Variants in DIP2C observed in about 807,000 individuals in gnomAD.
The protein encoded by DIP2C is disco-interacting protein 2 homolog C.
Under a neutral mutation model 192.4 loss-of-function variants are expected in DIP2C, and 33 were observed. The observed-to-expected ratio is 0.17, with a 90% CI of 0.13 to 0.23. The LOEUF is 0.23. Ranked by LOEUF, DIP2C falls within the 10% of genes least tolerant of loss-of-function variation. The pLI is 1.00. For missense variants in DIP2C, 1,537 were observed against 2,110.1 expected, an observed-to-expected ratio of 0.73 and a Z score of 5.32; for synonymous variants, 979 against 864.1, an observed-to-expected ratio of 1.13 and a Z score of -2.33.
Position 277,296 on chromosome 10 carries a change from GAA to G in DIP2C, c.*27_*28del, listed in dbSNP as rs1239340365. The G allele has an allele frequency of 1.2e-6, 2 of 1,610,478 alleles. No homozygotes were observed. The highest frequency in any genetic ancestry group is 1.7e-6 in the Non-Finnish European group (2 of 1,178,916). On this transcript the variant is annotated 3_prime_UTR_variant, in exon 37 of 37. Coordinates refer to ENST00000280886, the MANE Select transcript of DIP2C (RefSeq NM_014974.3). Reference sequence around the variant, plus strand: ...ACGGAGAACAATGTCTACATCTCTAGAAAAGTCCATGGAAGCCAAGAGACGAG... The same window carrying G: ...ACGGAGAACAATGTCTACATCTCTAGAAGTCCATGGAAGCCAAGAGACGAG...
intron 1 of DIP2C, among the ~76,000 whole-genome samples, chr10:612,241 A>G (rs562843723): frequency 2.0e-5 from 3 of 152,032 alleles, no homozygotes; most frequent in African/African-American, 7.3e-5. Flanking sequence ...GCAGTGAGCC[A>G]AGGTCACACC....
At chr10:481,188 A>C (rs879317779) in intron 2 of DIP2C, among the ~76,000 whole-genome samples, 2 of 152,190 alleles carry the variant, frequency 1.3e-5, no homozygotes, top group African/African-American at 2.4e-5. Context: ...AGGAATCAGA[A>C]CAACCAACGG....
intron 1 of DIP2C, among the ~76,000 whole-genome samples, chr10:563,188 T>TGTTC (rs1322199828): frequency 6.6e-6 from 1 of 152,248 alleles, no homozygotes; most frequent in Non-Finnish European, 1.5e-5. Flanking sequence ...TAATGCAGAC[T>TGTTC]GTTCCACAGT....
chr10:416,759 A>G (rs751352761), intron 6 of DIP2C, among the ~76,000 whole-genome samples: 19 of 152,116 alleles, frequency 1.2e-4, no homozygotes, highest in Non-Finnish European at 2.4e-4. Flanking sequence ...CCACAACTAG[A>G]TCAAAAGCGT....
intron 1 of DIP2C, among the ~76,000 whole-genome samples, chr10:638,366 A>C (rs1445576201): frequency 6.6e-6 from 1 of 152,242 alleles, no homozygotes; most frequent in African/African-American, 2.4e-5. Context: ...ATTCTATTTA[A>C]TTTGATCTCC....
chr10:494,057 G>A (rs989111141), intron 1 of DIP2C, among the ~76,000 whole-genome samples: 1 of 152,220 alleles, frequency 6.6e-6, no homozygotes, highest in East Asian at 1.9e-4. Context: ...GAAAAGTCAC[G>A]CTGGACCACC....
At chr10:301,330 C>T (rs1346257868) in intron 32 of DIP2C, among the ~76,000 whole-genome samples, 3 of 152,108 alleles carry the variant, frequency 2.0e-5, no homozygotes, top group Admixed American at 1.3e-4. Flanking sequence ...GACAAGGAAA[C>T]GCTGGTGATG....
chr10:640,129 C>A (rs566996436), intron 1 of DIP2C, among the ~76,000 whole-genome samples: 1 of 151,986 alleles, frequency 6.6e-6, no homozygotes, highest in Admixed American at 6.5e-5. Flanking sequence ...GGGCCTGTGC[C>A]TGTCCCTCCA....
intron 17 of DIP2C, among the ~76,000 whole-genome samples, chr10:379,447 G>C (rs1031608192): frequency 5.3e-5 from 8 of 152,124 alleles, no homozygotes; most frequent in Non-Finnish European, 1.0e-4. Context: ...TCCACAGCCA[G>C]TGGGCTGTGG....
Position 521,878 on chromosome 10 carries a change from C to T in DIP2C, c.86-35348G>A, listed in dbSNP as rs184647781. On this transcript the variant is annotated intron_variant, in intron 1 of 36. Coordinates refer to ENST00000280886, the MANE Select transcript of DIP2C (RefSeq NM_014974.3). ...AGCACATGCACAGCCTCCATCATTC[C>T]CCCACCCCCACCGGACCAGCATGTC... is the stretch of plus-strand genomic sequence containing the variant. Among the ~76,000 whole-genome samples, 157 of 152,166 alleles carry T rather than the reference C, an allele frequency of 1.0e-3. 1 individual carries two copies. The highest frequency in any genetic ancestry group is 3.5e-3 in the African/African-American group (147 of 41,500).
intron 2 of DIP2C, among the ~76,000 whole-genome samples, chr10:483,628 G>A (rs1189898741): frequency 6.6e-6 from 1 of 152,168 alleles, no homozygotes; most frequent in Non-Finnish European, 1.5e-5. Context: ...CTAAAACCCA[G>A]CCCTGTCGCC....
intron 1 of DIP2C, among the ~76,000 whole-genome samples, chr10:579,378 ATG>A (rs961008441): frequency 9.1e-4 from 138 of 151,874 alleles, no homozygotes; most frequent in East Asian, 9.8e-4. Context: ...CAAGTTCACT[ATG>A]TGTGTACAGT....
At chr10:466,706 C>T (rs1970227414) in intron 3 of DIP2C, among the ~76,000 whole-genome samples, 1 of 151,644 alleles carries the variant, frequency 6.6e-6, no homozygotes, top group African/African-American at 2.4e-5. Flanking sequence ...AAAAACAACC[C>T]CATCAAAAAG....
intron 32 of DIP2C, among the ~76,000 whole-genome samples, chr10:302,705 C>G (rs1956109966): frequency 6.6e-6 from 1 of 152,166 alleles, no homozygotes; most frequent in South Asian, 2.1e-4. Flanking sequence ...ACCTGGACAA[C>G]ATGTGACTAC....
intron 26 of DIP2C, among the ~76,000 whole-genome samples, chr10:346,630 C>G (rs1489088308): frequency 3.0e-5 from 4 of 132,008 alleles, no homozygotes; most frequent in Admixed American, 8.0e-5. Context: ...TCCCGGGAAC[C>G]CCACACTCAC....
intron 32 of DIP2C, among the ~76,000 whole-genome samples, chr10:299,172 A>G (rs1037072324): frequency 6.6e-6 from 1 of 152,206 alleles, no homozygotes; most frequent in Non-Finnish European, 1.5e-5. Context: ...TTTCTGAACC[A>G]TTTGAGGATA....
chr10:605,301 T>A (rs1431287791), intron 1 of DIP2C, among the ~76,000 whole-genome samples: 1 of 152,186 alleles, frequency 6.6e-6, no homozygotes, highest in African/African-American at 2.4e-5. Context: ...AGGGACACGT[T>A]AGGAAATCGT....
rs560406600 is a variant in DIP2C, at chr10:501,559, A to G, written c.86-15029T>C. ...GGAAGATGAGAATATCTGATCAGAA[A>G]GAATGGGGAGGCTTCATTTAAAATG... is the stretch of plus-strand genomic sequence containing the variant. On this transcript the variant is annotated intron_variant, in intron 1 of 36. Transcript: ENST00000280886. 2.0e-5 allele frequency among the ~76,000 whole-genome samples: 3 copies of G among 152,244 alleles called. No individual in the cohort carries two copies. The South Asian group carries it at 6.3e-4, about 32-fold the overall frequency.
intron 1 of DIP2C, among the ~76,000 whole-genome samples, chr10:658,805 A>G (rs1298124322): frequency 6.6e-6 from 1 of 152,232 alleles, no homozygotes; most frequent in Non-Finnish European, 1.5e-5. Flanking sequence ...TATTTTATAG[A>G]GCATCAGGCG....
Sources: gnomAD v4.1 joint callset for allele counts (sites outside exome capture counted in the v4.1 genomes callset) on GRCh38, gnomAD v4.1.1 for gene constraint, MANE v1.5 for transcripts, NCBI Gene and HGNC (gene_info 2026-07-23, HGNC 2026-07-21) for gene names.